EAPP: variants seen among roughly 807,000 people sequenced by gnomAD.
EAPP encodes E2F associated phosphoprotein.
Under a neutral mutation model 34.3 loss-of-function variants are expected in EAPP, and 38 were observed. The observed-to-expected ratio is 1.11, with a 90% confidence interval of 0.85 to 1.45. The LOEUF (loss-of-function observed/expected upper bound fraction) is 1.45. EAPP is among the 40% of genes most tolerant of loss of function. The pLI is 0.00. For missense variants in EAPP, 338 were observed against 343.7 expected, an observed-to-expected ratio of 0.98 and a Z score of 0.13; for synonymous variants, 113 against 117.6, an observed-to-expected ratio of 0.96 and a Z score of 0.25.
At chr14:34,536,420 C>T in intron 1 of EAPP, 145 bp from the exon 2 acceptor site, 1 of 487,026 alleles carries the variant, frequency 2.1e-6, no homozygotes, top group Non-Finnish European at 3.4e-6. Context: ...GCTATTCTCA[C>T]TTAATAAGCC....
intron 3 of EAPP, among the ~76,000 whole-genome samples, chr14:34,530,904 C>CAACAA (rs1880262972): frequency 1.8e-5 from 1 of 55,188 alleles, no homozygotes; most frequent in African/African-American, 7.0e-5. Flanking sequence ...CAATCTTTAC[C>CAACAA]AAAAAAAAAA....
At chr14:34,535,190 C>T (rs537426002) in intron 2 of EAPP, among the ~76,000 whole-genome samples, 42 of 149,948 alleles carry the variant, frequency 2.8e-4, no homozygotes, top group Non-Finnish European at 4.9e-4. Context: ...GGTGCAGTGC[C>T]GCGATCTCAG....
In EAPP at chr14:34,534,781, C is replaced by G. The variant is rs1030196418; in HGVS notation, c.257-1242G>C. ...CTTTGGGAGGCCAATGCAGGAAGAT[C>G]ACTTGAGCCAGGAGTTTAAGACCAG... On this transcript the variant is annotated intron_variant, in intron 2 of 5. Transcript: ENST00000250454. Among the ~76,000 whole-genome samples, 8 of 151,922 alleles carry G rather than the reference C, an allele frequency of 5.3e-5. No homozygotes were observed. The East Asian group carries it at 1.6e-3, about 29-fold the overall frequency.
rs1162882934 is a variant in EAPP at position 34,516,395 on chromosome 14, A to G, written c.773T>C (p.Met258Thr). Residue 258 changes from methionine to threonine, a missense_variant, in exon 6 of 6, where the codon ATG becomes ACG. Met to Thr is a moderately conservative substitution (Grantham distance 81, BLOSUM62 -1). Transcript: ENST00000250454. ...TDVEEIYHPV[M>T]CTECSTEVAV... is the part of the protein sequence containing the mutation. ...CACTTCAGTGGAACATTCAGTGCAC[A>G]TGACTGGGTGATAGATTTCTTCCAC... 3 of 1,614,212 alleles carry G rather than the reference A, an allele frequency of 1.9e-6. No homozygotes were observed. Among genetic ancestry groups the G allele is most frequent in the Non-Finnish European group, 2.5e-6 (3 of 1,180,032 alleles).
At position 34,530,782 on chromosome 14, in the gene EAPP, A is replaced by T. The variant is rs553737722; in HGVS notation, c.353-1307T>A. On this transcript the variant is annotated intron_variant, in intron 3 of 5. Transcript: ENST00000250454. ...AACAAAAATATTTCAAAAGTGAATTAAAAAAAACAGTATGAGGTCAGATAC... is the reference window on the plus strand; with the variant it reads ...AACAAAAATATTTCAAAAGTGAATTTAAAAAAACAGTATGAGGTCAGATAC... 8.6e-5 allele frequency among the ~76,000 whole-genome samples: 13 copies of T among 151,416 alleles called. No individual in the cohort carries two copies. The South Asian group carries it at 2.3e-3, about 27-fold the overall frequency.
At chr14:34,525,431 G>T (rs1319692954) in intron 4 of EAPP, among the ~76,000 whole-genome samples, 1 of 149,944 alleles carries the variant, frequency 6.7e-6, no homozygotes, top group Non-Finnish European at 1.5e-5. Flanking sequence ...GAGGAAAATG[G>T]CTCTCTACTT....
chr14:34,539,680 T>G lies in EAPP; in HGVS notation c.-52A>C, dbSNP rs1360716888. The G allele has an allele frequency of 6.7e-7, 1 of 1,486,574 alleles. No individual in the cohort carries two copies. Among genetic ancestry groups the G allele is most frequent in the African/African-American group, 1.4e-5 (1 of 71,354 alleles). 92.1% of individuals were successfully genotyped at this position (1,486,574 alleles called of 1,614,324 possible). Reference sequence around the variant, plus strand: ...CACAAGCAATTTGCAGCGTCTCTGTTTACACTGCAAGTCCAGTCCCTAAAG... The same window carrying G: ...CACAAGCAATTTGCAGCGTCTCTGTGTACACTGCAAGTCCAGTCCCTAAAG... On this transcript the variant is annotated 5_prime_UTR_variant, in exon 1 of 6. Coordinates refer to ENST00000250454, the MANE Select transcript of EAPP (RefSeq NM_018453.4).
At chr14:34,536,722 GTTTC>G (rs953970086) in intron 1 of EAPP, among the ~76,000 whole-genome samples, 9 of 151,402 alleles carry the variant, frequency 5.9e-5, no homozygotes, top group African/African-American at 1.9e-4. Flanking sequence ...TTGTTTGTTT[GTTTC>G]TTTTGAAACA....
intron 1 of EAPP, among the ~76,000 whole-genome samples, chr14:34,539,057 C>G (rs1443737624): frequency 6.6e-6 from 1 of 151,974 alleles, no homozygotes; most frequent in African/African-American, 2.4e-5. Context: ...CAGTCCCTGT[C>G]AAAAAATAAA....
intron 3 of EAPP, among the ~76,000 whole-genome samples, chr14:34,532,675 T>C (rs1164879697): frequency 2.2e-5 from 3 of 136,108 alleles, no homozygotes; most frequent in Non-Finnish European, 4.7e-5. Context: ...TGTCCCCAGC[T>C]TTTTTTTTTT....
intron 4 of EAPP, among the ~76,000 whole-genome samples, 186 bp downstream of exon 4, chr14:34,529,172 A>C (rs552173726): frequency 3.9e-4 from 60 of 152,234 alleles, no homozygotes; most frequent in African/African-American, 1.4e-3. Flanking sequence ...TTTTAAAAAA[A>C]AGTCTCACTA....
chr14:34,529,227 C>CCT (rs1199398743), intron 4 of EAPP, 131 bp downstream of exon 4: 1 of 654,212 alleles, frequency 1.5e-6, no homozygotes, highest in African/African-American at 1.9e-5. Flanking sequence ...GCAGTTTTTT[C>CCT]CTCTAACTTT....
intron 5 of EAPP, among the ~76,000 whole-genome samples, chr14:34,516,872 G>A (rs1316248754): frequency 6.6e-6 from 1 of 151,390 alleles, no homozygotes; most frequent in African/African-American, 2.4e-5. Flanking sequence ...CCAGGCAGAA[G>A]AAACATTTTA....
chr14:34,526,508 G>A (rs1880101045), intron 4 of EAPP, among the ~76,000 whole-genome samples: 1 of 150,866 alleles, frequency 6.6e-6, no homozygotes, highest in Admixed American at 6.6e-5. Context: ...CAGATCACTT[G>A]AGCCTAGGAG....
At chr14:34,536,324 T>C in intron 1 of EAPP, 49 bp from the exon 2 acceptor site, 1 of 1,424,846 alleles carries the variant, frequency 7.0e-7, no homozygotes, top group Non-Finnish European at 9.4e-7. Context: ...AAAATTAAAA[T>C]AATTTTAAAC....
chr14:34,516,336 A>G lies in EAPP; in HGVS notation c.832T>C (p.Phe278Leu), dbSNP rs1879716763. The change falls in exon 6 of 6, where the codon TTC becomes CTC. Residue 278 changes from phenylalanine (F) to leucine (L), a missense_variant. Transcript: ENST00000250454. ...TAGGAATGGCTTGCTAAAACATTGAAAAAATGAAAGACTTCATCCTTGTCG... is the reference window on the plus strand; with the variant it reads ...TAGGAATGGCTTGCTAAAACATTGAGAAAATGAAAGACTTCATCCTTGTCG... The part of the protein sequence containing the change: ...VYDKDEVFHF[F>L]NVLASHS 1.2e-6 allele frequency: 2 copies of G among 1,612,582 alleles called. No individual in the cohort carries two copies. Among genetic ancestry groups the G allele is most frequent in the Non-Finnish European group, 1.7e-6 (2 of 1,179,158 alleles).
At position 34,525,534 on chromosome 14, in the gene EAPP, T is replaced by C. The variant is rs73234328; in HGVS notation, c.471-727A>G. On this transcript the variant is annotated intron_variant, in intron 4 of 5. Coordinates refer to ENST00000250454, the MANE Select transcript of EAPP (RefSeq NM_018453.4). ...AACAGAGGGGCCTCCTACATAGACC[T>C]GATTAGTGCTCCTCAAAGTAATTAA... Among the ~76,000 whole-genome samples, 893 of 152,250 alleles carry C rather than the reference T, an allele frequency of 5.9e-3. 7 individuals carry two copies. The highest frequency in any genetic ancestry group is 0.02 in the African/African-American group (829 of 41,552).
intron 1 of EAPP, 94 bp from the exon 2 acceptor site, chr14:34,536,369 T>C: frequency 1.6e-5 from 15 of 932,712 alleles, no homozygotes; most frequent in Non-Finnish European, 2.3e-5. Context: ...CAATTTTAAG[T>C]ATTACATGGT....
chr14:34,539,581 A>T lies in EAPP; in HGVS notation c.48T>A (p.Pro16=). 1 of 1,603,060 alleles carries T rather than the reference A, an allele frequency of 6.2e-7. No individual in the cohort carries two copies. Among genetic ancestry groups the T allele is most frequent in the Non-Finnish European group, 8.5e-7 (1 of 1,174,862 alleles). Residue 16 remains proline (P), a synonymous_variant, in exon 1 of 6, where the codon CCT becomes CCA. Coordinates refer to ENST00000250454, the MANE Select transcript of EAPP (RefSeq NM_018453.4). The stretch of plus-strand genomic sequence containing the variant: ...TGCTCAAAGCCGGCTCCTCGTCGCT[A>T]GGCTCTTCAACCGCGTAGGGGTCGT... ...DDYDPYAVEE[P]SDEEPALSSS...
Sources: allele counts gnomAD v4.1 joint callset (sites outside exome capture counted in the v4.1 genomes callset), GRCh38; gene constraint gnomAD v4.1.1; transcripts MANE v1.5; gene names NCBI Gene and HGNC (gene_info 2026-07-23, HGNC 2026-07-21).